OR4C3: variants seen among roughly 807,000 people sequenced by gnomAD.
The protein encoded by OR4C3 is olfactory receptor family 4 subfamily C member 3.
For missense variants in OR4C3, 439 were observed against 360.7 expected (o/e 1.22, Z -1.76); for synonymous variants, 186 against 140.1 (o/e 1.33, Z -2.31).
chr11:48,325,066 C>G lies in OR4C3; in HGVS notation c.45C>G (p.Leu15=), dbSNP rs371646081. 4.3e-6 allele frequency: 7 copies of G among 1,614,044 alleles called. No individual in the cohort carries two copies. The African/African-American group carries it at 5.3e-5, about 12-fold the overall frequency. ...TCACAGAATTTTTCATGCTGGGGCTCTCACAGAACTCAGAGGTACAGAGAG... is the reference window on the plus strand; with the variant it reads ...TCACAGAATTTTTCATGCTGGGGCTGTCACAGAACTCAGAGGTACAGAGAG... ...QNITEFFMLG[L]SQNSEVQRVL... Residue 15 remains leucine (L), a synonymous_variant, in exon 1 of 1, where the codon CTC becomes CTG. Coordinates refer to ENST00000319856, the MANE Select transcript of OR4C3 (RefSeq NM_001004702.2).
chr11:48,325,916 C>G lies in OR4C3; in HGVS notation c.895C>G (p.Leu299Val). 6.7e-7 allele frequency: 1 copy of G among 1,500,552 alleles called. No homozygotes were observed. The highest frequency in any genetic ancestry group is 8.9e-7 in the Non-Finnish European group (1 of 1,129,566). The allele number at this position is 1,500,552 out of a possible 1,614,324, so 93.0% of individuals were successfully genotyped here. ...AGAGGTAAAAAATGCCATGAGAAAG[C>G]TCTTTACATGGTAAGAAATTGCAGG... Reference protein sequence around the residue: ...NEEVKNAMRKLFTW With the variant: ...NEEVKNAMRKVFTW Residue 299 changes from leucine to valine, a missense_variant, in exon 1 of 1, where the codon CTC (leucine) becomes GTC (valine). By Grantham distance (32) the Leu-to-Val change is conservative (BLOSUM62 1). Transcript: ENST00000319856.
rs143754629 is a variant in OR4C3 at position 48,325,172 on chromosome 11, C to A, written c.151C>A (p.Pro51Thr). The A allele has an allele frequency of 5.0e-6, 8 of 1,614,074 alleles. No individual in the cohort carries two copies. Among genetic ancestry groups the A allele is most frequent in the African/African-American group, 1.3e-5 (1 of 74,934 alleles). The change falls in exon 1 of 1, where the codon CCC becomes ACC. Residue 51 changes from proline to threonine, a missense_variant. Physicochemically the swap from Pro to Thr is conservative, Grantham distance 38. Transcript: ENST00000319856. ...CATTGTGGTCACTATCACCTCCAGCCCCACGCTGGCTTCCCCTGTGTATTT... is the reference window on the plus strand; with the variant it reads ...CATTGTGGTCACTATCACCTCCAGCACCACGCTGGCTTCCCCTGTGTATTT... ...MLIVVTITSS[P>T]TLASPVYFFL...
chr11:48,325,412 A>G lies in OR4C3; in HGVS notation c.391A>G (p.Thr131Ala). The G allele has an allele frequency of 6.2e-7, 1 of 1,613,924 alleles. No homozygotes were observed. The highest frequency in any genetic ancestry group is 8.5e-7 in the Non-Finnish European group (1 of 1,179,914). Residue 131 changes from threonine (T) to alanine (A), a missense_variant, in exon 1 of 1, where the codon ACT (threonine) becomes GCT (alanine). Coordinates refer to ENST00000319856, the MANE Select transcript of OR4C3 (RefSeq NM_001004702.2). ...YVAICKPLHN[T>A]TIMTRHLCAM... Reference sequence around the variant, plus strand: ...GGCCATCTGTAAGCCCCTGCACAATACTACCATCATGACCAGGCATCTCTG... The same window carrying G: ...GGCCATCTGTAAGCCCCTGCACAATGCTACCATCATGACCAGGCATCTCTG...
rs143149253 is a variant in OR4C3, at chr11:48,325,379, C to T, written c.358C>T (p.Arg120Cys). The T allele has an allele frequency of 6.4e-5, 104 of 1,613,992 alleles. 1 individual carries two copies. Among genetic ancestry groups the T allele is most frequent in the African/African-American group, 2.0e-4 (15 of 74,986 alleles). Residue 120 changes from arginine to cysteine, a missense_variant, in exon 1 of 1, where the codon CGC (arginine) becomes TGC (cysteine). Arg to Cys is a radical substitution (Grantham distance 180). Transcript: ENST00000319856. ...IILLTVMAYDRYVAICKPLHN... is the reference protein window; with the variant it reads ...IILLTVMAYDCYVAICKPLHN... ...TCTGCTCACAGTGATGGCTTATGAC[C>T]GCTATGTGGCCATCTGTAAGCCCCT...
In OR4C3 at chr11:48,325,578, C is replaced by G. The variant is rs77395846; in HGVS notation, c.557C>G (p.Ala186Gly). 3 of 1,613,942 alleles carry G rather than the reference C, an allele frequency of 1.9e-6. No individual in the cohort carries two copies. Among genetic ancestry groups the G allele is most frequent in the Non-Finnish European group, 2.5e-6 (3 of 1,179,948 alleles). The change falls in exon 1 of 1, where the codon GCC (alanine) becomes GGC (glycine). Residue 186 changes from alanine to glycine, a missense_variant. Coordinates refer to ENST00000319856, the MANE Select transcript of OR4C3 (RefSeq NM_001004702.2). ...ACDLYPLLEV[A>G]CTNTYVIGLL... Reference sequence around the variant, plus strand: ...GACTTGTACCCTTTGCTGGAAGTTGCCTGCACCAATACGTATGTCATTGGT... The same window carrying G: ...GACTTGTACCCTTTGCTGGAAGTTGGCTGCACCAATACGTATGTCATTGGT...
rs61735142 is a variant in OR4C3, at chr11:48,325,671, T to C, written c.650T>C (p.Ile217Thr). The C allele has an allele frequency of 2.0e-3, 3,187 of 1,614,154 alleles. 52 individuals carry two copies. In the African/African-American group the frequency reaches 0.038, roughly 19 times the overall value. The change falls in exon 1 of 1, where the codon ATT becomes ACT. Residue 217 changes from isoleucine (I) to threonine (T), a missense_variant. Physicochemically the swap from Ile to Thr is moderately conservative, Grantham distance 89 (BLOSUM62 -1). Transcript: ENST00000319856. ...TTCCTCATGCTGGCTGCCTCCTACA[T>C]TGTCATCCTGTACTCCTTGAGGTCC... ...LNFLMLAASY[I>T]VILYSLRSHS...
chr11:48,325,174 C>T lies in OR4C3; in HGVS notation c.153C>T (p.Pro51=), dbSNP rs1387886892. The part of the protein sequence containing the change: ...MLIVVTITSS[P]TLASPVYFFL... ...TTGTGGTCACTATCACCTCCAGCCCCACGCTGGCTTCCCCTGTGTATTTTT... is the reference window on the plus strand; with the variant it reads ...TTGTGGTCACTATCACCTCCAGCCCTACGCTGGCTTCCCCTGTGTATTTTT... Residue 51 remains proline, a synonymous_variant, in exon 1 of 1, where the codon CCC becomes CCT. Transcript: ENST00000319856. The T allele has an allele frequency of 6.8e-6, 11 of 1,614,206 alleles. No individual in the cohort carries two copies. The highest frequency in any genetic ancestry group is 9.3e-6 in the Non-Finnish European group (11 of 1,180,028).
chr11:48,325,681 G>C lies in OR4C3; in HGVS notation c.660G>C (p.Leu220=), dbSNP rs574178940. The change falls in exon 1 of 1, where the codon CTG becomes CTC. Residue 220 remains leucine (L), a synonymous_variant. Coordinates refer to ENST00000319856, the MANE Select transcript of OR4C3 (RefSeq NM_001004702.2). ...LMLAASYIVI[L]YSLRSHSADG... ...TGGCTGCCTCCTACATTGTCATCCT[G>C]TACTCCTTGAGGTCCCACAGTGCAG... The C allele has an allele frequency of 2.5e-6, 4 of 1,614,062 alleles. No individual in the cohort carries two copies. Among genetic ancestry groups the C allele is most frequent in the Non-Finnish European group, 3.4e-6 (4 of 1,179,994 alleles).
In OR4C3 at chr11:48,325,894, G is replaced by A. The variant is rs1397864518; in HGVS notation, c.873G>A (p.Glu291=). Residue 291 remains glutamate (E), a synonymous_variant, in exon 1 of 1, where the codon GAG becomes GAA. Coordinates refer to ENST00000319856, the MANE Select transcript of OR4C3 (RefSeq NM_001004702.2). ...NPLIYTLRNE[E]VKNAMRKLFT... is the part of the protein sequence containing the mutation. ...TCATTTATACCCTGAGAAATGAAGA[G>A]GTAAAAAATGCCATGAGAAAGCTCT... 3 of 1,507,554 alleles carry A rather than the reference G, an allele frequency of 2.0e-6. No homozygotes were observed. The highest frequency in any genetic ancestry group is 1.4e-5 in the African/African-American group (1 of 71,506). The allele number at this position is 1,507,554 out of a possible 1,614,324, so 93.4% of individuals were successfully genotyped here.
At position 48,325,160 on chromosome 11, in the gene OR4C3, A is replaced by G. The variant is rs149441689; in HGVS notation, c.139A>G (p.Ile47Val). ...VCGNMLIVVT[I>V]TSSPTLASPV... ...TGGCAACATGCTCATTGTGGTCACT[A>G]TCACCTCCAGCCCCACGCTGGCTTC... The change falls in exon 1 of 1, where the codon ATC (isoleucine) becomes GTC (valine). Residue 47 changes from isoleucine to valine, a missense_variant. Physicochemically the swap from Ile to Val is conservative, Grantham distance 29. Transcript: ENST00000319856. 5.6e-6 allele frequency: 9 copies of G among 1,614,096 alleles called. No homozygotes were observed. In the Admixed American group the frequency reaches 6.7e-5, roughly 12 times the overall value.
chr11:48,325,061 G>A lies in OR4C3; in HGVS notation c.40G>A (p.Gly14Arg). The change falls in exon 1 of 1, where the codon GGG (glycine) becomes AGG (arginine). Residue 14 changes from glycine to arginine, a missense_variant. Coordinates refer to ENST00000319856, the MANE Select transcript of OR4C3 (RefSeq NM_001004702.2). ...AAATATCACAGAATTTTTCATGCTG[G>A]GGCTCTCACAGAACTCAGAGGTACA... ...PQNITEFFML[G>R]LSQNSEVQRV... 1.2e-6 allele frequency: 2 copies of A among 1,614,000 alleles called. No homozygotes were observed. Among genetic ancestry groups the A allele is most frequent in the Non-Finnish European group, 1.7e-6 (2 of 1,179,998 alleles).
At position 48,325,322 on chromosome 11, in the gene OR4C3, G is replaced by A. The variant is rs375760019; in HGVS notation, c.301G>A (p.Gly101Arg). 6.2e-7 allele frequency: 1 copy of A among 1,613,978 alleles called. No individual in the cohort carries two copies. The highest frequency in any genetic ancestry group is 8.5e-7 in the Non-Finnish European group (1 of 1,180,016). The change falls in exon 1 of 1, where the codon GGA becomes AGA. Residue 101 changes from glycine (G) to arginine (R), a missense_variant. Coordinates refer to ENST00000319856, the MANE Select transcript of OR4C3 (RefSeq NM_001004702.2). Reference protein sequence around the residue: ...SYECCMAQLFGAHFLGGVEII... With the variant: ...SYECCMAQLFRAHFLGGVEII... ...TGAGTGCTGCATGGCTCAGCTCTTT[G>A]GAGCTCATTTTTTGGGAGGTGTTGA...
Position 48,325,429 on chromosome 11 carries a change from G to A in OR4C3, c.408G>A (p.Arg136=), listed in dbSNP as rs768019987. The change falls in exon 1 of 1, where the codon AGG becomes AGA. Residue 136 remains arginine, a synonymous_variant. Transcript: ENST00000319856. ...KPLHNTTIMT[R]HLCAMLVGVA... ...TGCACAATACTACCATCATGACCAG[G>A]CATCTCTGTGCCATGCTTGTAGGGG... 3.5e-5 allele frequency: 56 copies of A among 1,613,650 alleles called. No individual in the cohort carries two copies. The highest frequency in any genetic ancestry group is 4.7e-5 in the Non-Finnish European group (56 of 1,179,846).
In OR4C3 at chr11:48,325,359, T is replaced by C; in HGVS notation, c.338T>C (p.Leu113Pro). The C allele has an allele frequency of 1.2e-6, 2 of 1,614,174 alleles. No homozygotes were observed. Among genetic ancestry groups the C allele is most frequent in the Admixed American group, 1.7e-5 (1 of 60,014 alleles). Residue 113 changes from leucine to proline, a missense_variant, in exon 1 of 1, where the codon CTC (leucine) becomes CCC (proline). Coordinates refer to ENST00000319856, the MANE Select transcript of OR4C3 (RefSeq NM_001004702.2). The stretch of plus-strand genomic sequence containing the variant: ...TTGGGAGGTGTTGAGATCATTCTGC[T>C]CACAGTGATGGCTTATGACCGCTAT... ...HFLGGVEIIL[L>P]TVMAYDRYVA...
chr11:48,325,330 T>G lies in OR4C3; in HGVS notation c.309T>G (p.His103Gln). The G allele has an allele frequency of 6.2e-7, 1 of 1,614,114 alleles. No individual in the cohort carries two copies. Among genetic ancestry groups the G allele is most frequent in the Non-Finnish European group, 8.5e-7 (1 of 1,179,992 alleles). Residue 103 changes from histidine (H) to glutamine (Q), a missense_variant, in exon 1 of 1, where the codon CAT becomes CAG. Transcript: ENST00000319856. ...GCATGGCTCAGCTCTTTGGAGCTCA[T>G]TTTTTGGGAGGTGTTGAGATCATTC... ...ECCMAQLFGA[H>Q]FLGGVEIILL...
In OR4C3 at chr11:48,324,983, G is replaced by T. The variant is rs76964780; in HGVS notation, c.-39G>T. On this transcript the variant is annotated 5_prime_UTR_variant, in exon 1 of 1. It adds an upstream start codon to the 5' untranslated region. Transcript: ENST00000319856. ...ACTTATGTTTCTCCTTGTCTTTATA[G>T]GCAATACTGCACCTGCATTCTCAGT... 6.2e-7 allele frequency: 1 copy of T among 1,611,252 alleles called. No homozygotes were observed. The highest frequency in any genetic ancestry group is 2.2e-5 in the East Asian group (1 of 44,874).
In OR4C3 at chr11:48,325,328, C is replaced by A. The variant is rs144142268; in HGVS notation, c.307C>A (p.His103Asn). 18 of 1,614,008 alleles carry A rather than the reference C, an allele frequency of 1.1e-5. No individual in the cohort carries two copies. The African/African-American group carries it at 2.3e-4, about 20-fold the overall frequency. The change falls in exon 1 of 1, where the codon CAT becomes AAT. Residue 103 changes from histidine to asparagine, a missense_variant. By Grantham distance (68) the His-to-Asn change is moderately conservative (BLOSUM62 1). Coordinates refer to ENST00000319856, the MANE Select transcript of OR4C3 (RefSeq NM_001004702.2). ...CTGCATGGCTCAGCTCTTTGGAGCT[C>A]ATTTTTTGGGAGGTGTTGAGATCAT... ...ECCMAQLFGA[H>N]FLGGVEIILL...
Position 48,325,311 on chromosome 11 carries a change from C to T in OR4C3, c.290C>T (p.Ala97Val), listed in dbSNP as rs1244468914. 3.1e-6 allele frequency: 5 copies of T among 1,614,060 alleles called. No individual in the cohort carries two copies. Among genetic ancestry groups the T allele is most frequent in the Non-Finnish European group, 4.2e-6 (5 of 1,180,022 alleles). ...ACCATCTCTTATGAGTGCTGCATGG[C>T]TCAGCTCTTTGGAGCTCATTTTTTG... ...GRTISYECCM[A>V]QLFGAHFLGG... Residue 97 changes from alanine (A) to valine (V), a missense_variant, in exon 1 of 1, where the codon GCT (alanine) becomes GTT (valine). Physicochemically the swap from Ala to Val is moderately conservative, Grantham distance 64. Transcript: ENST00000319856.
chr11:48,325,236 C>G lies in OR4C3; in HGVS notation c.215C>G (p.Ser72Cys), dbSNP rs745994950. ...ANLSFIDTFY[S>C]SSMAPKLIAD... Reference sequence around the variant, plus strand: ...CTATCCTTTATTGACACCTTTTATTCTTCTTCTATGGCTCCTAAACTCATT... The same window carrying G: ...CTATCCTTTATTGACACCTTTTATTGTTCTTCTATGGCTCCTAAACTCATT... The change falls in exon 1 of 1, where the codon TCT becomes TGT. Residue 72 changes from serine (S) to cysteine (C), a missense_variant. By Grantham distance (112) the Ser-to-Cys change is moderately radical (BLOSUM62 -1). Coordinates refer to ENST00000319856, the MANE Select transcript of OR4C3 (RefSeq NM_001004702.2). 5 of 1,614,080 alleles carry G rather than the reference C, an allele frequency of 3.1e-6. No homozygotes were observed. Among genetic ancestry groups the G allele is most frequent in the Non-Finnish European group, 4.2e-6 (5 of 1,179,982 alleles).
Sources: gnomAD v4.1 joint callset for allele counts on GRCh38, gnomAD v4.1.1 for gene constraint, MANE v1.5 for transcripts, NCBI Gene and HGNC (gene_info 2026-07-23, HGNC 2026-07-21) for gene names.